The following DPY19L2 variants were observed in gnomAD, a reference collection of about 807,000 sequenced individuals.
DPY19L2 encodes dpy-19 like 2.
A neutral mutation model predicts 97.9 loss-of-function variants in DPY19L2; 34 were observed. That is an observed-to-expected ratio of 0.35 (90% CI 0.26 to 0.46). The LOEUF (loss-of-function observed/expected upper bound fraction) is 0.46, where lower values mean the gene tolerates loss of function less well. Among genes scored for constraint, DPY19L2 ranks in the 20% least tolerant of loss-of-function variants. DPY19L2 has a pLI of 1.00. For synonymous variants in DPY19L2, 230 were observed against 307.9 expected (o/e 0.75, Z 2.65); for missense variants, 623 against 911.4 (o/e 0.68, Z 4.07).
intron 6 of DPY19L2, among the ~76,000 whole-genome samples, chr12:63,635,537 G>T (rs1001409864): frequency 8.6e-5 from 13 of 151,994 alleles, no homozygotes; most frequent in African/African-American, 2.9e-4. Flanking sequence ...TAAAAACCTT[G>T]AAAAAAGATC....
chr12:63,632,161 G>A (rs1352231942), intron 6 of DPY19L2, among the ~76,000 whole-genome samples: 1 of 152,146 alleles, frequency 6.6e-6, no homozygotes, highest in African/African-American at 2.4e-5. Flanking sequence ...GCACAAGACA[G>A]GGATGCCCTC....
chr12:63,620,088 T>C (rs2137789383), intron 9 of DPY19L2: 2 of 378,526 alleles, frequency 5.3e-6, no homozygotes, highest in East Asian at 7.9e-5. Flanking sequence ...CAATATAGAA[T>C]ATTATTATTA....
intron 16 of DPY19L2, among the ~76,000 whole-genome samples, chr12:63,593,793 T>G (rs566735240): frequency 7.1e-6 from 1 of 141,428 alleles, no homozygotes; most frequent in Non-Finnish European, 1.5e-5. Context: ...AGTATAATAA[T>G]AAAAATAAAA....
At chr12:63,615,038 G>A (rs973897659) in intron 11 of DPY19L2, among the ~76,000 whole-genome samples, 2 of 152,112 alleles carry the variant, frequency 1.3e-5, no homozygotes, top group African/African-American at 2.4e-5. Flanking sequence ...TATGCTATCA[G>A]ACCACGAGTG....
chr12:63,582,592 T>C, intron 17 of DPY19L2, 67 bp from the exon 18 acceptor site: 3 of 1,457,510 alleles, frequency 2.1e-6, no homozygotes, highest in South Asian at 1.3e-5. Context: ...TGAAGTATAT[T>C]AAAACTATAT....
intron 8 of DPY19L2, among the ~76,000 whole-genome samples, chr12:63,622,699 G>A (rs962079218): frequency 5.9e-5 from 9 of 152,146 alleles, no homozygotes; most frequent in Non-Finnish European, 1.3e-4. Context: ...GCTGAAGCAG[G>A]CAGATCACTT....
chr12:63,642,796 T>C (rs1184668753), intron 6 of DPY19L2, among the ~76,000 whole-genome samples: 2 of 151,926 alleles, frequency 1.3e-5, no homozygotes, highest in African/African-American at 4.8e-5. Context: ...GAATAACTTT[T>C]AAATCAGCTC....
At chr12:63,571,548 G>A (rs1386111332) in intron 19 of DPY19L2, among the ~76,000 whole-genome samples, 1 of 152,156 alleles carries the variant, frequency 6.6e-6, no homozygotes, top group Non-Finnish European at 1.5e-5. Flanking sequence ...CAAGTCTCAT[G>A]GGACATTTTT....
intron 6 of DPY19L2, among the ~76,000 whole-genome samples, chr12:63,633,490 A>T (rs1292490809): frequency 6.6e-6 from 1 of 152,232 alleles, no homozygotes; most frequent in Non-Finnish European, 1.5e-5. Flanking sequence ...CCATCAGAGA[A>T]CTGCAAATGA....
chr12:63,561,971 G>A (rs1169614007), intron 21 of DPY19L2, among the ~76,000 whole-genome samples: 1 of 152,088 alleles, frequency 6.6e-6, no homozygotes, highest in African/African-American at 2.4e-5. Flanking sequence ...GTATGGTTAT[G>A]GATGATTCAA....
At chr12:63,578,356 C>T (rs1880254758) in intron 19 of DPY19L2, among the ~76,000 whole-genome samples, 1 of 151,978 alleles carries the variant, frequency 6.6e-6, no homozygotes, top group East Asian at 1.9e-4. Context: ...GGTTAATGTG[C>T]ACAAACAAAA....
At chr12:63,627,091 T>C (rs1455779316) in intron 6 of DPY19L2, among the ~76,000 whole-genome samples, 9 of 152,134 alleles carry the variant, frequency 5.9e-5, no homozygotes, top group African/African-American at 7.2e-5. Flanking sequence ...AAAATCATTT[T>C]TAAGAAACAG....
At chr12:63,665,452 G>C (rs1408384525) in intron 2 of DPY19L2, among the ~76,000 whole-genome samples, 1 of 146,664 alleles carries the variant, frequency 6.8e-6, no homozygotes, top group African/African-American at 2.5e-5. Context: ...TAGCCTGGGA[G>C]ACAGAGCAAG....
At chr12:63,633,956 C>T (rs1482920967) in intron 6 of DPY19L2, among the ~76,000 whole-genome samples, 3 of 151,898 alleles carry the variant, frequency 2.0e-5, no homozygotes, top group Non-Finnish European at 4.4e-5. Context: ...AGCAAACTAT[C>T]GCAAAGACAA....
intron 16 of DPY19L2, among the ~76,000 whole-genome samples, chr12:63,587,824 G>A (rs1882081108): frequency 6.6e-6 from 1 of 151,962 alleles, no homozygotes; most frequent in African/African-American, 2.4e-5. Flanking sequence ...GCCCGCCTTG[G>A]CCTCCCAAAG....
chr12:63,634,853 G>C (rs1891384894), intron 6 of DPY19L2, among the ~76,000 whole-genome samples: 1 of 152,160 alleles, frequency 6.6e-6, no homozygotes, highest in Admixed American at 6.5e-5. Flanking sequence ...CCACCTCTGG[G>C]GGCAGGACGT....
chr12:63,565,515 TGGATAATAA>T (rs1877495544), intron 21 of DPY19L2, among the ~76,000 whole-genome samples: 3 of 152,180 alleles, frequency 2.0e-5, no homozygotes, highest in African/African-American at 7.2e-5. Context: ...TTGTCCTACC[TGGATAATAA>T]GGATAATCTC....
Position 63,668,160 on chromosome 12 carries a change from A to T in DPY19L2, c.234T>A (p.Leu78=). 1.9e-6 allele frequency: 3 copies of T among 1,613,842 alleles called. No homozygotes were observed. The highest frequency in any genetic ancestry group is 2.5e-6 in the Non-Finnish European group (3 of 1,179,952). ...TACGGACGAACTGGAAGGGGCCGAG[A>T]AGAAAGGTCTTGGCCACCACCTCTA... is the stretch of plus-strand genomic sequence containing the variant. ...LELEVVAKTF[L]LGPFQFVRNS... The change falls in exon 1 of 22, where the codon CTT becomes CTA. Residue 78 remains leucine (L), a synonymous_variant. Coordinates refer to ENST00000324472, the MANE Select transcript of DPY19L2 (RefSeq NM_173812.5).
At chr12:63,636,800 C>G (rs755914703) in intron 6 of DPY19L2, among the ~76,000 whole-genome samples, 30 of 152,058 alleles carry the variant, frequency 2.0e-4, no homozygotes, top group Non-Finnish European at 3.5e-4. Flanking sequence ...CCTTAGAGAC[C>G]TGCAAAGAGA....
Sources: allele counts gnomAD v4.1 joint callset (sites outside exome capture counted in the v4.1 genomes callset), GRCh38; gene constraint gnomAD v4.1.1; transcripts MANE v1.5; gene names NCBI Gene and HGNC (gene_info 2026-07-23, HGNC 2026-07-21).